Variants in ZNF804B observed in about 807,000 individuals in gnomAD.
ZNF804B encodes zinc finger 804B.
ZNF804B carries 80 observed loss-of-function variants against 101.4 expected under a neutral mutation model. The ratio of observed to expected loss-of-function variants is 0.79; its 90% CI spans 0.66 to 0.95. The LOEUF (loss-of-function observed/expected upper bound fraction) is 0.95, where lower values mean the gene tolerates loss of function less well. Among genes scored for constraint, ZNF804B ranks in the 40% least tolerant of loss-of-function variants. The pLI is 0.00. For missense variants in ZNF804B, 1,673 were observed against 1,561.9 expected (o/e 1.07, Z -1.20); for synonymous variants, 622 against 558.8 (o/e 1.11, Z -1.59).
chr7:89,039,395 A>T (rs1039730719), intron 1 of ZNF804B, among the ~76,000 whole-genome samples: 1 of 151,888 alleles, frequency 6.6e-6, no homozygotes, highest in African/African-American at 2.4e-5. Flanking sequence ...ATTGTGTTTT[A>T]GTTTTTAGTG....
At chr7:89,125,174 G>T (rs1189515424) in intron 1 of ZNF804B, among the ~76,000 whole-genome samples, 1 of 151,786 alleles carries the variant, frequency 6.6e-6, no homozygotes, top group Non-Finnish European at 1.5e-5. Context: ...TGATGAGCTG[G>T]CTGTCACAGC....
At chr7:88,979,735 T>C (rs916309440) in intron 1 of ZNF804B, among the ~76,000 whole-genome samples, 1 of 151,670 alleles carries the variant, frequency 6.6e-6, no homozygotes, top group African/African-American at 2.4e-5. Context: ...TCTTGTACTT[T>C]TCAATATTGA....
chr7:89,202,110 T>C (rs117106196), intron 1 of ZNF804B, among the ~76,000 whole-genome samples: 1,775 of 152,186 alleles, frequency 0.012, 13 homozygotes, highest in Non-Finnish European at 0.018. Context: ...AATGGCACAG[T>C]AACTCATCCA....
chr7:89,202,587 C>T (rs2115654395), intron 1 of ZNF804B, among the ~76,000 whole-genome samples: 1 of 152,222 alleles, frequency 6.6e-6, no homozygotes, highest in South Asian at 2.1e-4. Flanking sequence ...TCTACATCTA[C>T]ATTTTAAAGA....
chr7:89,325,647 G>A (rs1471921184), intron 2 of ZNF804B, among the ~76,000 whole-genome samples: 1 of 151,800 alleles, frequency 6.6e-6, no homozygotes, highest in Non-Finnish European at 1.5e-5. Flanking sequence ...TTTTCAAACA[G>A]GATTCCAAAA....
chr7:89,204,149 C>T (rs928125046), intron 1 of ZNF804B, among the ~76,000 whole-genome samples: 8 of 152,150 alleles, frequency 5.3e-5, no homozygotes, highest in East Asian at 1.9e-4. Flanking sequence ...AGTTGTCCAA[C>T]GTTTTTCATT....
intron 1 of ZNF804B, among the ~76,000 whole-genome samples, chr7:88,873,977 T>C (rs1428938597): frequency 6.6e-6 from 1 of 152,184 alleles, no homozygotes; most frequent in East Asian, 1.9e-4. Flanking sequence ...CCATATGAAC[T>C]TTAAAGTAGT....
intron 1 of ZNF804B, among the ~76,000 whole-genome samples, chr7:89,181,155 G>T (rs1442854132): frequency 6.6e-6 from 1 of 151,890 alleles, no homozygotes; most frequent in Non-Finnish European, 1.5e-5. Flanking sequence ...ACTATCTAGG[G>T]TTGGGGATGG....
chr7:88,854,396 TTTC>T (rs1462704982), intron 1 of ZNF804B, among the ~76,000 whole-genome samples: 1 of 146,426 alleles, frequency 6.8e-6, no homozygotes, highest in Non-Finnish European at 1.5e-5. Flanking sequence ...CATTTCTTTC[TTTC>T]TTTCTTTCTT....
chr7:89,269,318 G>A (rs560946995), intron 2 of ZNF804B, among the ~76,000 whole-genome samples: 57 of 152,088 alleles, frequency 3.7e-4, no homozygotes, highest in African/African-American at 1.2e-3. Context: ...GTTGTGTTTG[G>A]TTTTTTGTCC....
chr7:88,842,502 A>G (rs937874229), intron 1 of ZNF804B, among the ~76,000 whole-genome samples: 2 of 152,242 alleles, frequency 1.3e-5, no homozygotes, highest in African/African-American at 2.4e-5. Context: ...AAGAGTGTAA[A>G]TGGAAACACT....
chr7:89,268,660 G>A (rs966286464), intron 2 of ZNF804B, among the ~76,000 whole-genome samples: 1 of 149,264 alleles, frequency 6.7e-6, no homozygotes, highest in Admixed American at 6.7e-5. Context: ...TTTCCTTCAC[G>A]CAGCTCGGGT....
chr7:88,823,225 C>CA (rs1210345595), intron 1 of ZNF804B, among the ~76,000 whole-genome samples: 1 of 151,806 alleles, frequency 6.6e-6, no homozygotes, highest in East Asian at 1.9e-4. Context: ...CAAAACAAAA[C>CA]AAAAAACCAA....
intron 1 of ZNF804B, among the ~76,000 whole-genome samples, chr7:89,143,174 G>A (rs1166233318): frequency 6.6e-6 from 1 of 151,828 alleles, no homozygotes; most frequent in East Asian, 1.9e-4. Context: ...TTGGAGGGTG[G>A]GGGGGTTGGT....
At chr7:89,156,767 G>A (rs930884623) in intron 1 of ZNF804B, among the ~76,000 whole-genome samples, 2 of 152,106 alleles carry the variant, frequency 1.3e-5, no homozygotes, top group South Asian at 4.1e-4. Flanking sequence ...TTATTTTGAA[G>A]TGTCTGTATG....
intron 1 of ZNF804B, among the ~76,000 whole-genome samples, chr7:88,873,730 C>A (rs892406444): frequency 6.6e-6 from 1 of 152,056 alleles, no homozygotes; most frequent in Admixed American, 6.6e-5. Flanking sequence ...ATATGGAATC[C>A]CTTTTGCATT....
At chr7:89,331,539 G>A (rs1329211874) in intron 3 of ZNF804B, among the ~76,000 whole-genome samples, 2 of 151,568 alleles carry the variant, frequency 1.3e-5, no homozygotes, top group Admixed American at 6.6e-5. Flanking sequence ...TTTTAAAAAC[G>A]TCTAAATTTA....
At chr7:89,116,204 G>A (rs554395338) in intron 1 of ZNF804B, among the ~76,000 whole-genome samples, 8 of 152,072 alleles carry the variant, frequency 5.3e-5, no homozygotes, top group African/African-American at 1.4e-4. Flanking sequence ...ATGAGCCACC[G>A]TGCCAAGCCA....
intron 2 of ZNF804B, among the ~76,000 whole-genome samples, chr7:89,309,173 T>C (rs974807332): frequency 1.3e-5 from 2 of 152,070 alleles, no homozygotes; most frequent in Non-Finnish European, 2.9e-5. Context: ...CCAGTGTCTA[T>C]TGTTCCCATC....
Sources: gnomAD v4.1 joint callset for allele counts (sites outside exome capture counted in the v4.1 genomes callset) on GRCh38, gnomAD v4.1.1 for gene constraint, MANE v1.5 for transcripts, NCBI Gene and HGNC (gene_info 2026-07-23, HGNC 2026-07-21) for gene names.